The following METTL25 variants were observed in gnomAD, a reference collection of about 807,000 sequenced individuals.
METTL25 encodes probable methyltransferase-like protein 25.
METTL25 carries 64 observed loss-of-function variants against 71.6 expected under a neutral mutation model. The observed-to-expected ratio is 0.89, with a 90% CI of 0.73 to 1.10. The LOEUF (loss-of-function observed/expected upper bound fraction) is 1.10. METTL25 is among the 50% of genes least tolerant of loss of function. METTL25 has a pLI of 0.00. For missense variants in METTL25, 807 were observed against 707.0 expected (o/e 1.14, Z -1.60); for synonymous variants, 287 against 250.3 (o/e 1.15, Z -1.38).
Position 82,456,724 on chromosome 12 carries a change from C to CA in METTL25, c.1479-2dup. 1 of 1,563,394 alleles carries CA rather than the reference C, an allele frequency of 6.4e-7. No homozygotes were observed. The highest frequency in any genetic ancestry group is 8.7e-7 in the Non-Finnish European group (1 of 1,148,902). On this transcript the variant is annotated splice_region_variant and splice_polypyrimidine_tract_variant and intron_variant, in intron 8 of 11. Transcript: ENST00000248306. ...TAAAAATTTATTCAATTTTGTTTTACAGTGATCGGCATGTTGGTAAAATTT... is the reference window on the plus strand; with the variant it reads ...TAAAAATTTATTCAATTTTGTTTTACAAGTGATCGGCATGTTGGTAAAATTT...
chr12:82,477,478 C>A, intron 11 of METTL25, 126 bp downstream of exon 11: 1 of 465,576 alleles, frequency 2.1e-6, no homozygotes, highest in Non-Finnish European at 3.8e-6. Flanking sequence ...ATTATATTTT[C>A]ATAGTTTAAA....
At chr12:82,429,376 G>GT (rs60688459) in intron 5 of METTL25, among the ~76,000 whole-genome samples, 4,041 of 144,158 alleles carry the variant, frequency 0.028, 76 homozygotes, top group Middle Eastern at 0.043. Flanking sequence ...CAAATGTAGG[G>GT]TTTTTTTTTT....
At chr12:82,408,410 TG>T (rs1463031781) in intron 5 of METTL25, among the ~76,000 whole-genome samples, 1 of 151,590 alleles carries the variant, frequency 6.6e-6, no homozygotes, top group Non-Finnish European at 1.5e-5. Context: ...AGCAAAAACC[TG>T]GGGAAAAAAA....
At chr12:82,459,451 G>A (rs1891712263) in intron 9 of METTL25, among the ~76,000 whole-genome samples, 1 of 151,984 alleles carries the variant, frequency 6.6e-6, no homozygotes, top group African/African-American at 2.4e-5. Flanking sequence ...AACATGGTAA[G>A]ATTCCATCTC....
intron 7 of METTL25, 99 bp downstream of exon 7, chr12:82,434,823 A>G: frequency 1.0e-6 from 1 of 998,898 alleles, no homozygotes; most frequent in Non-Finnish European, 1.6e-6. Flanking sequence ...GAATTTAATA[A>G]ATATCTTGTC....
intron 9 of METTL25, among the ~76,000 whole-genome samples, chr12:82,458,088 G>A (rs999179811): frequency 2.0e-5 from 3 of 151,602 alleles, no homozygotes; most frequent in Non-Finnish European, 4.4e-5. Flanking sequence ...ATTCCTTCTG[G>A]CTTTGTTTTC....
intron 8 of METTL25, among the ~76,000 whole-genome samples, chr12:82,441,232 G>C (rs1890302013): frequency 6.6e-6 from 1 of 151,762 alleles, no homozygotes; most frequent in South Asian, 2.1e-4. Context: ...CTGCCTACAA[G>C]AAATAAATTC....
intron 5 of METTL25, among the ~76,000 whole-genome samples, chr12:82,424,671 A>G (rs1287316509): frequency 6.6e-6 from 1 of 152,108 alleles, no homozygotes; most frequent in Non-Finnish European, 1.5e-5. Context: ...AGTCATGTTC[A>G]TGAAGAACTT....
At chr12:82,472,860 C>T (rs7954119) in intron 9 of METTL25, among the ~76,000 whole-genome samples, 12,428 of 152,132 alleles carry the variant, frequency 0.082, 906 homozygotes, top group African/African-American at 0.2. Context: ...TGTGTTCCTT[C>T]GGAGGTATCA....
intron 9 of METTL25, among the ~76,000 whole-genome samples, chr12:82,461,015 C>T (rs1057039158): frequency 1.3e-5 from 2 of 151,708 alleles, no homozygotes; most frequent in Non-Finnish European, 2.9e-5. Context: ...TGGTGGCGGG[C>T]GCCTGTGGTC....
At chr12:82,433,472 A>ACCT (rs1889679420) in intron 6 of METTL25, among the ~76,000 whole-genome samples, 1 of 151,686 alleles carries the variant, frequency 6.6e-6, no homozygotes, top group South Asian at 2.1e-4. Context: ...GTATCCTTCA[A>ACCT]GTAAATGGGA....
intron 8 of METTL25, 79 bp from the exon 9 acceptor site, chr12:82,456,648 A>G (rs2731290): frequency 0.95 from 689,028 of 724,252 alleles, 328,544 homozygotes; most frequent in East Asian, 1. Context: ...AAATATTTAA[A>G]AATATTTCAT....
chr12:82,478,150 C>T (rs1892986682), intron 11 of METTL25, among the ~76,000 whole-genome samples: 2 of 151,846 alleles, frequency 1.3e-5, no homozygotes, highest in African/African-American at 4.8e-5. Flanking sequence ...AACTTCAAGT[C>T]ACTGGAAAGC....
At chr12:82,367,145 A>C (rs1882660897) in intron 1 of METTL25, among the ~76,000 whole-genome samples, 1 of 152,178 alleles carries the variant, frequency 6.6e-6, no homozygotes, top group Admixed American at 6.5e-5. Flanking sequence ...TTAGAAGTTC[A>C]GTAAAACAGA....
chr12:82,378,689 C>A (rs1444189592), intron 1 of METTL25, among the ~76,000 whole-genome samples: 1 of 152,114 alleles, frequency 6.6e-6, no homozygotes, highest in Non-Finnish European at 1.5e-5. Context: ...TTTAAATTTA[C>A]AGTTTTCCTG....
intron 1 of METTL25, 102 bp downstream of exon 1, chr12:82,358,926 G>A (rs1881376606): frequency 7.0e-7 from 1 of 1,428,132 alleles, no homozygotes; most frequent in Non-Finnish European, 9.6e-7. Flanking sequence ...GGTGCGTGGC[G>A]GCGGAGGCGG....
At chr12:82,388,082 A>G (rs1383482726) in intron 2 of METTL25, among the ~76,000 whole-genome samples, 1 of 151,980 alleles carries the variant, frequency 6.6e-6, no homozygotes, top group African/African-American at 2.4e-5. Context: ...TTTGATATCT[A>G]TAGGCAGGTT....
chr12:82,417,911 G>A (rs1488037716), intron 5 of METTL25, among the ~76,000 whole-genome samples: 6 of 152,224 alleles, frequency 3.9e-5, no homozygotes, highest in Middle Eastern at 3.4e-3. Context: ...GAGACAGACG[G>A]TCTTCCAGAC....
At chr12:82,429,920 A>T (rs1889353519) in intron 5 of METTL25, among the ~76,000 whole-genome samples, 1 of 151,514 alleles carries the variant, frequency 6.6e-6, no homozygotes. Flanking sequence ...TATGATTGTA[A>T]CATCTTTCTT....
Sources: gnomAD v4.1 joint callset for allele counts (sites outside exome capture counted in the v4.1 genomes callset) on GRCh38, gnomAD v4.1.1 for gene constraint, MANE v1.5 for transcripts, NCBI Gene and HGNC (gene_info 2026-07-23, HGNC 2026-07-21) for gene names.